Variants in CDR2 observed in about 807,000 individuals in gnomAD.
CDR2 encodes the protein cerebellar degeneration related protein 2, also known as cerebellar degeneration-related protein 2.
Under a neutral mutation model 48.4 loss-of-function variants are expected in CDR2, and 34 were observed. That is an observed-to-expected ratio of 0.70 (90% CI 0.53 to 0.94). The LOEUF (loss-of-function observed/expected upper bound fraction) is 0.94, where lower values mean the gene tolerates loss of function less well. CDR2 is among the 40% of genes least tolerant of loss of function. CDR2 has a pLI of 0.00. For missense variants in CDR2, 498 were observed against 549.5 expected, an observed-to-expected ratio of 0.91 and a Z score of 0.94; for synonymous variants, 240 against 219.7, an observed-to-expected ratio of 1.09 and a Z score of -0.82.
At chr16:22,361,855 C>T (rs2049012393) in intron 2 of CDR2, among the ~76,000 whole-genome samples, 3 of 151,384 alleles carry the variant, frequency 2.0e-5, no homozygotes, top group African/African-American at 7.3e-5. Context: ...CCGAAATATT[C>T]CAAGCTAAAT....
chr16:22,358,705 G>A (rs2048992531), intron 2 of CDR2, among the ~76,000 whole-genome samples: 1 of 151,966 alleles, frequency 6.6e-6, no homozygotes, highest in African/African-American at 2.4e-5. Context: ...CAATAATAAA[G>A]AAATATTTCC....
rs1196056387 is a variant in CDR2, at chr16:22,355,782, TTC to T, written c.193-5935_193-5934del. Among the ~76,000 whole-genome samples the T allele has an allele frequency of 2.0e-5, 3 of 152,234 alleles. 1 individual carries two copies. Among genetic ancestry groups the T allele is most frequent in the Admixed American group, 6.5e-5 (1 of 15,284 alleles). On this transcript the variant is annotated intron_variant, in intron 2 of 4. Coordinates refer to ENST00000268383, the MANE Select transcript of CDR2 (RefSeq NM_001802.2). Reference sequence around the variant, plus strand: ...ACTTTGAAACCACCCATTTTTTGTTTTCTGTTTCTGCTTTCCTCAGCCCCTGT... The same window carrying T: ...ACTTTGAAACCACCCATTTTTTGTTTTGTTTCTGCTTTCCTCAGCCCCTGT...
At chr16:22,371,211 A>G (rs1250589291) in intron 1 of CDR2, among the ~76,000 whole-genome samples, 3 of 147,358 alleles carry the variant, frequency 2.0e-5, no homozygotes, top group Admixed American at 6.8e-5. Context: ...CTCCACCTCA[A>G]AAAAAAAAAA....
chr16:22,363,165 C>T (rs920173795), intron 2 of CDR2, among the ~76,000 whole-genome samples: 4 of 151,852 alleles, frequency 2.6e-5, no homozygotes, highest in Non-Finnish European at 5.9e-5. Flanking sequence ...TGGTCTCGAA[C>T]TCCTGACCTC....
In CDR2 at chr16:22,365,284, C is replaced by T. The variant is rs570686759; in HGVS notation, c.80-270G>A. 6.6e-5 allele frequency: 18 copies of T among 271,478 alleles called. No individual in the cohort carries two copies. In the East Asian group the frequency reaches 8.7e-4, roughly 13 times the overall value. 16.8% of individuals were successfully genotyped at this position (271,478 alleles called of 1,614,324 possible). A position where few individuals can be genotyped will look rare whatever the true frequency, so the allele number is the denominator to read the frequency against. ...GTTATTTGTTCAGGAATGATCATTC[C>T]GCAGTGTTACTTCTAAAATCCTATT... On this transcript the variant is annotated intron_variant, in intron 1 of 4. Transcript: ENST00000268383.
At chr16:22,365,092 G>GA (rs1439364786) in intron 1 of CDR2, 78 bp from the exon 2 acceptor site, 1 of 943,040 alleles carries the variant, frequency 1.1e-6, no homozygotes, top group African/African-American at 1.6e-5. Flanking sequence ...CTTCAAAAAA[G>GA]AACATGTAGT....
chr16:22,366,553 C>T (rs1832437574), intron 1 of CDR2, among the ~76,000 whole-genome samples: 1 of 151,996 alleles, frequency 6.6e-6, no homozygotes, highest in Non-Finnish European at 1.5e-5. Context: ...GCACTCCAGG[C>T]AGAGGCAAGG....
chr16:22,372,133 G>C (rs1003118923), intron 1 of CDR2, among the ~76,000 whole-genome samples: 1 of 152,148 alleles, frequency 6.6e-6, no homozygotes, highest in African/African-American at 2.4e-5. Context: ...GCCTCCCAAA[G>C]TGCTAGGATT....
chr16:22,358,419 G>A (rs2048990213), intron 2 of CDR2, among the ~76,000 whole-genome samples: 2 of 152,142 alleles, frequency 1.3e-5, no homozygotes, highest in Admixed American at 6.5e-5. Context: ...CCTCAACTAT[G>A]AGTACAAGGT....
intron 2 of CDR2, among the ~76,000 whole-genome samples, chr16:22,351,547 C>T (rs1333659232): frequency 1.3e-5 from 2 of 152,136 alleles, no homozygotes; most frequent in Non-Finnish European, 1.5e-5. Context: ...ATCTCTTTCT[C>T]TGAATGAGGC....
chr16:22,356,233 T>A (rs1195287006), intron 2 of CDR2, among the ~76,000 whole-genome samples: 2 of 152,250 alleles, frequency 1.3e-5, no homozygotes, highest in Admixed American at 6.5e-5. Flanking sequence ...TCTCATTAGA[T>A]AATCAAAGGG....
In CDR2 at chr16:22,349,345, C is replaced by T. The variant is rs752628728; in HGVS notation, c.440G>A (p.Gly147Glu). 4 of 1,614,060 alleles carry T rather than the reference C, an allele frequency of 2.5e-6. No homozygotes were observed. The highest frequency in any genetic ancestry group is 3.4e-6 in the Non-Finnish European group (4 of 1,180,036). Residue 147 changes from glycine to glutamate, a missense_variant, in exon 4 of 5, where the codon GGA becomes GAA. Physicochemically the swap from Gly to Glu is moderately conservative, Grantham distance 98. Coordinates refer to ENST00000268383, the MANE Select transcript of CDR2 (RefSeq NM_001802.2). ...KSSGQGRRSP[G>E]KCDQEKPAPS... Reference sequence around the variant, plus strand: ...TGCCGGTTTCTCCTGGTCACACTTTCCCGGGCTCCTTCTCCCTTGGCCAGA... The same window carrying T: ...TGCCGGTTTCTCCTGGTCACACTTTTCCGGGCTCCTTCTCCCTTGGCCAGA...
intron 2 of CDR2, among the ~76,000 whole-genome samples, chr16:22,351,061 G>A (rs2048938480): frequency 6.6e-6 from 1 of 152,074 alleles, no homozygotes; most frequent in Non-Finnish European, 1.5e-5. Flanking sequence ...CCCACCCTGT[G>A]CCCAAATGAT....
chr16:22,354,206 G>A (rs2048959631), intron 2 of CDR2, among the ~76,000 whole-genome samples: 1 of 152,164 alleles, frequency 6.6e-6, no homozygotes, highest in Non-Finnish European at 1.5e-5. Context: ...AGTACAGGCA[G>A]TCCAGAGATC....
intron 2 of CDR2, among the ~76,000 whole-genome samples, chr16:22,362,192 C>T (rs2049014993): frequency 6.6e-6 from 1 of 152,176 alleles, no homozygotes; most frequent in South Asian, 2.1e-4. Flanking sequence ...TGAGCCACCG[C>T]ACCCGGCTGA....
intron 2 of CDR2, among the ~76,000 whole-genome samples, chr16:22,354,354 C>G (rs569732440): frequency 6.6e-6 from 1 of 152,180 alleles, no homozygotes. Context: ...TGCTCACCGT[C>G]TCCCTGCATA....
intron 2 of CDR2, 58 bp downstream of exon 2, chr16:22,364,844 G>T: frequency 3.1e-6 from 3 of 959,248 alleles, no homozygotes; most frequent in Non-Finnish European, 5.0e-6. Flanking sequence ...GTATGTGATT[G>T]GCATAACAGC....
chr16:22,369,630 C>G (rs550039107), intron 1 of CDR2, among the ~76,000 whole-genome samples: 17 of 151,234 alleles, frequency 1.1e-4, no homozygotes, highest in African/African-American at 3.9e-4. Flanking sequence ...CAAGAAAGCT[C>G]CTGTGAAGTC....
rs1007557547 is a variant in CDR2 at position 22,346,249 on chromosome 16, T to C, written c.*716A>G. ...GTGATAAAAGATTTACATATTCACC[T>C]ATCCTAAAGGCTAGAGCTTTGAGTA... On this transcript the variant is annotated 3_prime_UTR_variant, in exon 5 of 5. Transcript: ENST00000268383. 1.3e-5 allele frequency: 2 copies of C among 152,640 alleles called. No homozygotes were observed. The highest frequency in any genetic ancestry group is 2.9e-5 in the Non-Finnish European group (2 of 68,038). The allele number at this position is 152,640 out of a possible 1,614,324, so 9.5% of individuals were successfully genotyped here.
Sources: allele counts gnomAD v4.1 joint callset (sites outside exome capture counted in the v4.1 genomes callset), GRCh38; gene constraint gnomAD v4.1.1; transcripts MANE v1.5; gene names NCBI Gene and HGNC (gene_info 2026-07-23, HGNC 2026-07-21).